MARK3: variants seen among roughly 807,000 people sequenced by gnomAD.
The protein encoded by MARK3 is MAP/microtubule affinity-regulating kinase 3.
In MARK3, 46 loss-of-function variants were observed where a neutral mutation model predicts 90.1. The ratio of observed to expected loss-of-function variants is 0.51; its 90% CI spans 0.40 to 0.65. The LOEUF (loss-of-function observed/expected upper bound fraction) is 0.65. Ranked by LOEUF, MARK3 falls within the 30% of genes least tolerant of loss-of-function variation. The pLI is 0.00. For synonymous variants in MARK3, 321 were observed against 332.6 expected, an observed-to-expected ratio of 0.97 and a Z score of 0.38; for missense variants, 818 against 947.2, an observed-to-expected ratio of 0.86 and a Z score of 1.79.
At chr14:103,403,326 T>TGTGTGTG (rs2091077626) in intron 1 of MARK3, among the ~76,000 whole-genome samples, 1 of 138,460 alleles carries the variant, frequency 7.2e-6, no homozygotes, top group East Asian at 2.1e-4. Flanking sequence ...TAGTGCCTGG[T>TGTGTGTG]TGTGTGTGTG....
intron 6 of MARK3, among the ~76,000 whole-genome samples, chr14:103,458,184 G>A (rs1196382884): frequency 6.6e-6 from 1 of 152,150 alleles, no homozygotes; most frequent in African/African-American, 2.4e-5. Context: ...TAGGCTGGGT[G>A]CGATGGCTCA....
At chr14:103,404,637 A>G (rs990241846) in intron 1 of MARK3, among the ~76,000 whole-genome samples, 3 of 152,164 alleles carry the variant, frequency 2.0e-5, no homozygotes, top group Non-Finnish European at 4.4e-5. Flanking sequence ...GAAATCGGGA[A>G]TCCAGATTCT....
intron 5 of MARK3, among the ~76,000 whole-genome samples, chr14:103,454,451 C>T (rs151014330): frequency 6.6e-6 from 1 of 152,250 alleles, no homozygotes; most frequent in African/African-American, 2.4e-5. Flanking sequence ...GGTTTTGCCA[C>T]ATTGGCCAGG....
intron 3 of MARK3, among the ~76,000 whole-genome samples, chr14:103,431,464 C>T (rs993231509): frequency 6.6e-6 from 1 of 151,724 alleles, no homozygotes; most frequent in African/African-American, 2.4e-5. Context: ...AACCGCGTCT[C>T]TACTAAAAAT....
intron 3 of MARK3, among the ~76,000 whole-genome samples, chr14:103,439,637 G>A (rs2092802387): frequency 6.6e-6 from 1 of 151,972 alleles, no homozygotes; most frequent in African/African-American, 2.4e-5. Flanking sequence ...TTGAACTCCT[G>A]ACCTCAAGTG....
chr14:103,458,892 C>T (rs2093337665), intron 6 of MARK3: 1 of 473,214 alleles, frequency 2.1e-6, no homozygotes, highest in Non-Finnish European at 3.8e-6. Flanking sequence ...CTAGTAAAAC[C>T]AAAGTAAAAA....
intron 3 of MARK3, among the ~76,000 whole-genome samples, chr14:103,442,937 G>A (rs2092894687): frequency 7.6e-6 from 1 of 132,180 alleles, no homozygotes; most frequent in African/African-American, 2.6e-5. Flanking sequence ...AAACTTTGGT[G>A]GGTGTCCCCC....
chr14:103,399,567 C>T (rs745793761), intron 1 of MARK3, among the ~76,000 whole-genome samples: 11 of 151,718 alleles, frequency 7.3e-5, no homozygotes, highest in East Asian at 1.9e-4. Flanking sequence ...GGCACGGTGG[C>T]GGGTACCTGT....
intron 3 of MARK3, among the ~76,000 whole-genome samples, chr14:103,444,265 TGCC>T (rs2092936985): frequency 6.6e-6 from 1 of 152,120 alleles, no homozygotes; most frequent in Non-Finnish European, 1.5e-5. Context: ...ATATCCCCAT[TGCC>T]AGGATTCCAA....
chr14:103,398,043 T>G (rs1030031553), intron 1 of MARK3, among the ~76,000 whole-genome samples: 3 of 152,220 alleles, frequency 2.0e-5, no homozygotes, highest in Non-Finnish European at 4.4e-5. Context: ...ATCTGTGCGC[T>G]TAATATATTG....
At chr14:103,442,213 C>CA (rs1244131163) in intron 3 of MARK3, among the ~76,000 whole-genome samples, 3 of 151,804 alleles carry the variant, frequency 2.0e-5, no homozygotes, top group Non-Finnish European at 4.4e-5. Context: ...CTAAAAAATA[C>CA]AAAAAAATTA....
chr14:103,479,980 G>A (rs577458525), intron 13 of MARK3, among the ~76,000 whole-genome samples: 129 of 151,812 alleles, frequency 8.5e-4, no homozygotes, highest in African/African-American at 3.1e-3. Flanking sequence ...TGAAGGTGCC[G>A]ATTTTAAAAT....
At chr14:103,425,345 C>T (rs1488297255) in intron 2 of MARK3, among the ~76,000 whole-genome samples, 3 of 152,028 alleles carry the variant, frequency 2.0e-5, no homozygotes, top group African/African-American at 4.8e-5. Context: ...CTATAACCTC[C>T]GTTTCCAGGT....
At chr14:103,402,072 G>A (rs1475079713) in intron 1 of MARK3, among the ~76,000 whole-genome samples, 1 of 152,184 alleles carries the variant, frequency 6.6e-6, no homozygotes, top group Non-Finnish European at 1.5e-5. Flanking sequence ...CAGCAAAAAT[G>A]TATTGCATGT....
intron 14 of MARK3, among the ~76,000 whole-genome samples, chr14:103,486,127 T>A (rs1409019124): frequency 1.3e-5 from 2 of 152,142 alleles, no homozygotes; most frequent in Non-Finnish European, 1.5e-5. Flanking sequence ...AAATTCCATC[T>A]CTACCAAAAA....
chr14:103,480,961 C>A (rs1437575448), intron 14 of MARK3, among the ~76,000 whole-genome samples: 1 of 152,216 alleles, frequency 6.6e-6, no homozygotes, highest in Non-Finnish European at 1.5e-5. Context: ...AATAGAAACA[C>A]TGGAGAAGCC....
chr14:103,405,161 G>T lies in MARK3; in HGVS notation c.137G>T (p.Cys46Phe), dbSNP rs757385600. 1.7e-5 allele frequency: 28 copies of T among 1,605,524 alleles called. No individual in the cohort carries two copies. Among genetic ancestry groups the T allele is most frequent in the Non-Finnish European group, 2.4e-5 (28 of 1,177,798 alleles). ...CGGTGTAGAAACTCTATAGCCTCCT[G>T]TGCAGATGAACAACCTCACATCGGA... ...GARCRNSIAS[C>F]ADEQPHIGNY... is the part of the protein sequence containing the mutation. The change falls in exon 2 of 18, where the codon TGT becomes TTT. Residue 46 changes from cysteine to phenylalanine, a missense_variant. Around this residue, in one of 3 missense-constraint regions of MARK3, gnomAD observed 157 missense variants for 158.7 expected, o/e 0.99. Transcript: ENST00000429436.
intron 14 of MARK3, among the ~76,000 whole-genome samples, chr14:103,486,114 G>T (rs2093924243): frequency 6.6e-6 from 1 of 152,056 alleles, no homozygotes; most frequent in Non-Finnish European, 1.5e-5. Context: ...GGGCAACATG[G>T]TAAAATTCCA....
chr14:103,405,818 C>T (rs1328688177), intron 2 of MARK3, among the ~76,000 whole-genome samples: 6 of 148,452 alleles, frequency 4.0e-5, no homozygotes, highest in South Asian at 2.1e-4. Flanking sequence ...AGGCTGGTCT[C>T]GAACTCCTGA....
Sources: gnomAD v4.1 joint callset for allele counts (sites outside exome capture counted in the v4.1 genomes callset) on GRCh38, gnomAD v4.1.1 for gene constraint, gnomAD v4.1.1 regional missense constraint, MANE v1.5 for transcripts, NCBI Gene and HGNC (gene_info 2026-07-23, HGNC 2026-07-21) for gene names.